Variants in RAB38 observed in about 807,000 individuals in gnomAD.
RAB38 encodes ras-related protein Rab-38.
Under a neutral mutation model 18.4 loss-of-function variants are expected in RAB38, and 15 were observed. The observed-to-expected ratio is 0.82, with a 90% CI of 0.55 to 1.26. The LOEUF is 1.26. RAB38 is among the 50% of genes most tolerant of loss of function. The pLI is 0.00. For missense variants in RAB38, 294 were observed against 267.4 expected (o/e 1.10, Z -0.69); for synonymous variants, 101 against 104.4 (o/e 0.97, Z 0.20).
At chr11:88,034,598 C>G in the RAB38 span, among the ~76,000 whole-genome samples, 2 of 152,178 alleles carry the variant, frequency 1.3e-5, no homozygotes, top group Admixed American at 1.3e-4. Flanking sequence ...CTAGTGGCTA[C>G]TGATGTTGAA....
At chr11:88,033,027 C>T in the RAB38 span, among the ~76,000 whole-genome samples, 1 of 152,070 alleles carries the variant, frequency 6.6e-6, no homozygotes, top group Non-Finnish European at 1.5e-5. Flanking sequence ...CACATATACA[C>T]CATGGAATAC....
At chr11:88,058,065 A>G in the RAB38 span, among the ~76,000 whole-genome samples, 2 of 152,230 alleles carry the variant, frequency 1.3e-5, no homozygotes, top group African/African-American at 2.4e-5. Context: ...GAATATTTAC[A>G]TGACCTGATG....
intron 2 of RAB38, among the ~76,000 whole-genome samples, chr11:88,141,975 C>T (rs1218135895): frequency 6.6e-6 from 1 of 152,132 alleles, no homozygotes; most frequent in Non-Finnish European, 1.5e-5. Context: ...TAGATATATG[C>T]CAGGCCAGCT....
the RAB38 span, among the ~76,000 whole-genome samples, chr11:87,875,016 A>G: frequency 5.9e-5 from 9 of 151,620 alleles, no homozygotes; most frequent in African/African-American, 1.9e-4. Flanking sequence ...TTTCAGCATT[A>G]TTCACAATAA....
chr11:87,874,837 G>C, the RAB38 span, among the ~76,000 whole-genome samples: 1 of 151,408 alleles, frequency 6.6e-6, no homozygotes, highest in African/African-American at 2.4e-5. Context: ...AACCCTTGCA[G>C]GTTGCTGGTG....
chr11:88,104,402 T>G, the RAB38 span, among the ~76,000 whole-genome samples: 1 of 152,140 alleles, frequency 6.6e-6, no homozygotes, highest in East Asian at 1.9e-4. Flanking sequence ...ACTATGGTCA[T>G]ATGAAAATAT....
the RAB38 span, among the ~76,000 whole-genome samples, chr11:88,017,443 C>A: frequency 6.6e-6 from 1 of 151,722 alleles, no homozygotes; most frequent in Non-Finnish European, 1.5e-5. Context: ...TCCACTTCTT[C>A]ATTATATTTA....
At chr11:88,149,506 T>C (rs1943035040) in intron 2 of RAB38, among the ~76,000 whole-genome samples, 169 bp downstream of exon 2, 1 of 152,138 alleles carries the variant, frequency 6.6e-6, no homozygotes, top group African/African-American at 2.4e-5. Flanking sequence ...AGATAATAAT[T>C]CCTGCCTTAC....
chr11:88,066,819 A>T, the RAB38 span, among the ~76,000 whole-genome samples: 1 of 152,222 alleles, frequency 6.6e-6, no homozygotes, highest in Non-Finnish European at 1.5e-5. Context: ...CGAAATACCC[A>T]TATTTTATGT....
At chr11:87,930,479 G>A in the RAB38 span, among the ~76,000 whole-genome samples, 1 of 152,136 alleles carries the variant, frequency 6.6e-6, no homozygotes, top group African/African-American at 2.4e-5. Flanking sequence ...TTTGTCAGAT[G>A]AGTAGATTGC....
At chr11:87,934,561 G>C in the RAB38 span, among the ~76,000 whole-genome samples, 1 of 152,020 alleles carries the variant, frequency 6.6e-6, no homozygotes, top group Non-Finnish European at 1.5e-5. Flanking sequence ...CTATTGATTT[G>C]AGGCAGTACT....
At chr11:87,920,672 T>C in the RAB38 span, among the ~76,000 whole-genome samples, 36 of 149,910 alleles carry the variant, frequency 2.4e-4, no homozygotes, top group African/African-American at 8.9e-4. Flanking sequence ...AAGTACAGTT[T>C]AAGTTTAACA....
At chr11:87,858,572 C>T in the RAB38 span, among the ~76,000 whole-genome samples, 2 of 151,954 alleles carry the variant, frequency 1.3e-5, no homozygotes, top group African/African-American at 4.8e-5. Flanking sequence ...GACAGGTGCT[C>T]CACACAAAAA....
chr11:87,976,139 T>A, the RAB38 span, among the ~76,000 whole-genome samples: 1 of 149,158 alleles, frequency 6.7e-6, no homozygotes, highest in African/African-American at 2.4e-5. Flanking sequence ...TGTGTGTGTG[T>A]GTATATATAC....
At chr11:87,879,378 G>A in the RAB38 span, 1 of 151,574 alleles carries the variant, frequency 6.6e-6, no homozygotes, top group African/African-American at 2.4e-5. Context: ...GGGGCATGGG[G>A]GTGGGGAGAG....
chr11:87,893,336 TACACACACAC>T, the RAB38 span, among the ~76,000 whole-genome samples: 1 of 141,802 alleles, frequency 7.1e-6, no homozygotes, highest in Non-Finnish European at 1.5e-5. Context: ...ATATATATTT[TACACACACAC>T]ACATATATAT....
At chr11:88,033,038 T>C in the RAB38 span, among the ~76,000 whole-genome samples, 146 of 152,274 alleles carry the variant, frequency 9.6e-4, 1 homozygote, top group African/African-American at 3.4e-3. Context: ...CATGGAATAC[T>C]ATGCAGCCAT....
the RAB38 span, among the ~76,000 whole-genome samples, chr11:88,086,882 AC>A: frequency 6.6e-6 from 1 of 151,918 alleles, no homozygotes; most frequent in East Asian, 1.9e-4. Flanking sequence ...GCCAGTATCT[AC>A]AAAATAATAA....
At chr11:88,145,698 G>A (rs568126974) in intron 2 of RAB38, among the ~76,000 whole-genome samples, 15 of 152,250 alleles carry the variant, frequency 9.9e-5, no homozygotes, top group African/African-American at 3.6e-4. Context: ...TGGGATATGG[G>A]CACAGGAATA....
Sources: allele counts gnomAD v4.1 joint callset (sites outside exome capture counted in the v4.1 genomes callset), GRCh38; gene constraint gnomAD v4.1.1; transcripts MANE v1.5; gene names NCBI Gene and HGNC (gene_info 2026-07-23, HGNC 2026-07-21).